Variants in GATAD2A observed in about 807,000 individuals in gnomAD.
GATAD2A encodes GATA zinc finger domain containing 2A.
A neutral mutation model predicts 68.5 loss-of-function variants in GATAD2A; 12 were observed. The observed-to-expected ratio is 0.18, with a 90% confidence interval of 0.11 to 0.28. The LOEUF (loss-of-function observed/expected upper bound fraction) is 0.28. GATAD2A is among the 10% of genes least tolerant of loss of function. GATAD2A has a pLI of 1.00. For missense variants in GATAD2A, 755 were observed against 868.5 expected, an observed-to-expected ratio of 0.87 and a Z score of 1.64; for synonymous variants, 410 against 375.3, an observed-to-expected ratio of 1.09 and a Z score of -1.07.
intron 11 of GATAD2A, among the ~76,000 whole-genome samples, chr19:19,503,644 C>CTTG (rs368727163): frequency 4.7e-5 from 7 of 148,604 alleles, no homozygotes; most frequent in African/African-American, 1.7e-4. Context: ...CATCTGGAAG[C>CTTG]TGTGTGTGTG....
chr19:19,490,513 C>G (rs889758324), intron 2 of GATAD2A, among the ~76,000 whole-genome samples: 3 of 152,114 alleles, frequency 2.0e-5, no homozygotes, highest in Admixed American at 6.5e-5. Context: ...CTTTGAGCTG[C>G]GGCAACCAGT....
chr19:19,463,514 G>T (rs2057627476), intron 1 of GATAD2A, among the ~76,000 whole-genome samples: 1 of 152,146 alleles, frequency 6.6e-6, no homozygotes, highest in Admixed American at 6.5e-5. Flanking sequence ...AGGAGCGGGG[G>T]CGGGGGTGGA....
Position 19,494,186 on chromosome 19 carries a change from G to A in GATAD2A, c.535-108G>A. ...CCTCTGAGCGCCTGATGCCGTAGAG[G>A]AGGAAGACAGTCAGTCCTCTTCGGC... On this transcript the variant is annotated intron_variant, in intron 4 of 11. Transcript: ENST00000683918. 4.8e-6 allele frequency: 3 copies of A among 619,242 alleles called. No homozygotes were observed. In the East Asian group the frequency reaches 8.5e-5, roughly 17 times the overall value. The allele number at this position is 619,242 out of a possible 1,614,324, so 38.4% of individuals were successfully genotyped here.
chr19:19,494,332 C>A lies in GATAD2A; in HGVS notation c.573C>A (p.Pro191=). Reference sequence around the variant, plus strand: ...TTGGGAGCACCGTGACCACCCCTCCCCCGCTTGTTCGGGGCACTCAGAACA... The same window carrying A: ...TTGGGAGCACCGTGACCACCCCTCCACCGCTTGTTCGGGGCACTCAGAACA... ...GSVGSTVTTP[P]PLVRGTQNIP... Residue 191 remains proline (P), a synonymous_variant, in exon 5 of 12, where the codon CCC becomes CCA. Transcript: ENST00000683918. 1 of 1,613,426 alleles carries A rather than the reference C, an allele frequency of 6.2e-7. No homozygotes were observed. Among genetic ancestry groups the A allele is most frequent in the South Asian group, 1.1e-5 (1 of 91,076 alleles).
At chr19:19,401,095 A>T (rs1320666287), upstream of GATAD2A, among the ~76,000 whole-genome samples, 1 of 140,868 alleles carries the variant, frequency 7.1e-6, no homozygotes, top group African/African-American at 2.6e-5. Context: ...AGCCAAGATG[A>T]TGCCACTGCA....
At chr19:19,461,020 C>T (rs1474799543) in intron 1 of GATAD2A, among the ~76,000 whole-genome samples, 7 of 152,164 alleles carry the variant, frequency 4.6e-5, no homozygotes, top group East Asian at 3.9e-4. Context: ...TCTGTCATTT[C>T]GCTCGTTTTC....
chr19:19,500,456 A>G (rs1159049061), intron 8 of GATAD2A, among the ~76,000 whole-genome samples: 1 of 151,854 alleles, frequency 6.6e-6, no homozygotes, highest in African/African-American at 2.4e-5. Flanking sequence ...TGCTGAACAC[A>G]AAAAAGGTCG....
At chr19:19,494,691 G>C (rs1461110899) in intron 5 of GATAD2A, among the ~76,000 whole-genome samples, 1 of 152,210 alleles carries the variant, frequency 6.6e-6, no homozygotes, top group Non-Finnish European at 1.5e-5. Flanking sequence ...GACTCTTCCG[G>C]CCAGAGAGCC....
chr19:19,423,695 A>G (rs2052710630), intron 1 of GATAD2A, among the ~76,000 whole-genome samples: 1 of 152,186 alleles, frequency 6.6e-6, no homozygotes, highest in African/African-American at 2.4e-5. Flanking sequence ...AGCTTGGTGG[A>G]TTTCTAGAAT....
At chr19:19,492,130 G>A (rs1005302985) in intron 2 of GATAD2A, among the ~76,000 whole-genome samples, 176 bp from the exon 3 acceptor site, 2 of 152,232 alleles carry the variant, frequency 1.3e-5, no homozygotes, top group Admixed American at 6.5e-5. Context: ...CCTATGACGT[G>A]TGGGTAAGAA....
chr19:19,500,103 C>G (rs2060426233), intron 8 of GATAD2A, among the ~76,000 whole-genome samples: 1 of 152,238 alleles, frequency 6.6e-6, no homozygotes, highest in South Asian at 2.1e-4. Context: ...GGCTCAGTCT[C>G]CCTCTCCTGT....
At chr19:19,467,192 G>A (rs905616561) in intron 2 of GATAD2A, among the ~76,000 whole-genome samples, 4 of 152,152 alleles carry the variant, frequency 2.6e-5, no homozygotes, top group Non-Finnish European at 5.9e-5. Flanking sequence ...TGGCTAACAC[G>A]GTGAAACCCC....
chr19:19,409,307 T>C (rs1434811638), intron 1 of GATAD2A, among the ~76,000 whole-genome samples: 1 of 152,132 alleles, frequency 6.6e-6, no homozygotes, highest in African/African-American at 2.4e-5. Context: ...TTATGCTGGT[T>C]GTAGAAAACT....
chr19:19,440,993 CCCTTCCTTCCCTT>C (rs2054993381), intron 1 of GATAD2A, among the ~76,000 whole-genome samples: 1 of 87,864 alleles, frequency 1.1e-5, no homozygotes, highest in Non-Finnish European at 2.6e-5. Context: ...TCCTTTCCTT[CCCTTCCTTCCCTT>C]CCTTCCCTTC....
chr19:19,506,387 G>GTTTA lies in GATAD2A; in HGVS notation c.*917_*920dup. 1 of 388,376 alleles carries GTTTA rather than the reference G, an allele frequency of 2.6e-6. No individual in the cohort carries two copies. Among genetic ancestry groups the GTTTA allele is most frequent in the Non-Finnish European group, 4.5e-6 (1 of 220,400 alleles). 24.1% of individuals were successfully genotyped at this position (388,376 alleles called of 1,614,324 possible). On this transcript the variant is annotated 3_prime_UTR_variant, in exon 12 of 12. Coordinates refer to ENST00000683918, the MANE Select transcript of GATAD2A (RefSeq NM_001384528.1). Reference sequence around the variant, plus strand: ...ACTGTCGCGGGGTTTTTCTGTTGTGGTTTATTTTATTAAATTTTTTCCTTT... The same window carrying GTTTA: ...ACTGTCGCGGGGTTTTTCTGTTGTGGTTTATTTATTTTATTAAATTTTTTCCTTT...
At chr19:19,389,220 AC>A (rs1332381038) in intron 1 of GATAD2A, among the ~76,000 whole-genome samples, 2 of 152,106 alleles carry the variant, frequency 1.3e-5, no homozygotes, top group Non-Finnish European at 2.9e-5. Context: ...TCAGTTTGAA[AC>A]CTGAGTAACT....
At chr19:19,467,416 A>G (rs1313752443) in intron 2 of GATAD2A, among the ~76,000 whole-genome samples, 1 of 152,120 alleles carries the variant, frequency 6.6e-6, no homozygotes, top group African/African-American at 2.4e-5. Context: ...AAGCCCCCTC[A>G]TGCTTGCTTG....
chr19:19,480,508 C>T (rs755318710), intron 2 of GATAD2A, among the ~76,000 whole-genome samples: 11 of 152,248 alleles, frequency 7.2e-5, no homozygotes, highest in Admixed American at 4.6e-4. Context: ...AATGCTCACG[C>T]GAGCGTTTCT....
intron 2 of GATAD2A, among the ~76,000 whole-genome samples, chr19:19,480,348 A>G (rs1600241247): frequency 2.0e-5 from 3 of 152,206 alleles, no homozygotes; most frequent in Admixed American, 6.5e-5. Context: ...TGTCAATGTC[A>G]CCACCTATCC....
Sources: allele counts gnomAD v4.1 joint callset (sites outside exome capture counted in the v4.1 genomes callset), GRCh38; gene constraint gnomAD v4.1.1; transcripts MANE v1.5; gene names NCBI Gene and HGNC (gene_info 2026-07-23, HGNC 2026-07-21).